Variants in SESN1 observed in about 807,000 individuals in gnomAD.
SESN1 encodes the protein sestrin-1.
A neutral mutation model predicts 59.3 loss-of-function variants in SESN1; 30 were observed. The ratio of observed to expected loss-of-function variants is 0.51; its 90% CI spans 0.38 to 0.69. SESN1 has a LOEUF of 0.69. Among genes scored for constraint, SESN1 ranks in the 30% least tolerant of loss-of-function variants. The pLI, the probability that SESN1 is intolerant of heterozygous loss-of-function variation, is 0.00. For missense variants in SESN1, 566 were observed against 673.0 expected (o/e 0.84, Z 1.76); for synonymous variants, 197 against 219.9 (o/e 0.90, Z 0.92).
chr6:109,001,503 A>G lies in SESN1; in HGVS notation c.346-15T>C. ...ACTTGGAGGATCTGTATAAATGAGA[A>G]AAACCATGGTTACTGAAATGGTAAA... On this transcript the variant is annotated splice_polypyrimidine_tract_variant and intron_variant, in intron 2 of 9. Coordinates refer to ENST00000436639, the MANE Select transcript of SESN1 (RefSeq NM_014454.3). 1 of 1,554,218 alleles carries G rather than the reference A, an allele frequency of 6.4e-7. No homozygotes were observed. The highest frequency in any genetic ancestry group is 8.9e-7 in the Non-Finnish European group (1 of 1,129,210).
chr6:108,987,598 C>G lies in SESN1; in HGVS notation c.1602G>C (p.Arg534Ser), dbSNP rs1779233219. ...GAGCATAAAGGAGTTCTGCTTGCAT[C>G]CTAGCTTCTATAAGAAGCAGATTAA... Reference protein sequence around the residue: ...VHVNLLLIEARMQAELLYALR... With the variant: ...VHVNLLLIEASMQAELLYALR... Residue 534 changes from arginine (R) to serine (S), a missense_variant, in exon 10 of 10, where the codon AGG becomes AGC. Transcript: ENST00000436639. 6.2e-7 allele frequency: 1 copy of G among 1,603,554 alleles called. No homozygotes were observed. Among genetic ancestry groups the G allele is most frequent in the Non-Finnish European group, 8.5e-7 (1 of 1,171,406 alleles).
chr6:109,055,216 C>G (rs778843765), intron 1 of SESN1, among the ~76,000 whole-genome samples: 1 of 152,128 alleles, frequency 6.6e-6, no homozygotes, highest in African/African-American at 2.4e-5. Context: ...GTCCTTATCT[C>G]CGTTCAATTT....
chr6:109,028,856 A>AT (rs1413552192), intron 1 of SESN1, among the ~76,000 whole-genome samples: 3 of 152,180 alleles, frequency 2.0e-5, no homozygotes, highest in African/African-American at 7.2e-5. Flanking sequence ...AAACTTTCCA[A>AT]TAAATCTGCA....
chr6:109,005,843 C>T (rs942650640), intron 1 of SESN1, among the ~76,000 whole-genome samples: 12 of 152,116 alleles, frequency 7.9e-5, no homozygotes, highest in African/African-American at 1.9e-4. Context: ...ATTATACAAA[C>T]GTGAGTCTTT....
intron 1 of SESN1, among the ~76,000 whole-genome samples, chr6:109,024,870 C>T (rs1482017149): frequency 1.3e-5 from 2 of 152,192 alleles, no homozygotes; most frequent in Admixed American, 1.3e-4. Flanking sequence ...TAAAGTCAAA[C>T]AATTGTTAAG....
intron 1 of SESN1, among the ~76,000 whole-genome samples, chr6:109,024,846 C>T (rs1780065159): frequency 6.6e-6 from 1 of 152,218 alleles, no homozygotes; most frequent in Non-Finnish European, 1.5e-5. Context: ...ATGTGTGTTG[C>T]TTACACACCT....
chr6:109,002,433 A>G, intron 1 of SESN1, 90 bp from the exon 2 acceptor site: 2 of 971,466 alleles, frequency 2.1e-6, no homozygotes, highest in Non-Finnish European at 3.3e-6. Context: ...CAACCAGTCG[A>G]ACAGAGACAG....
At chr6:108,988,735 G>C in intron 8 of SESN1, 48 bp from the exon 9 acceptor site, 1 of 1,457,150 alleles carries the variant, frequency 6.9e-7, no homozygotes, top group Non-Finnish European at 9.3e-7. Context: ...TGTATAACCT[G>C]TTTTCATCTT....
rs373879450 is a variant in SESN1, at chr6:109,054,087, G to C, written c.279+39708C>G. 5.2e-4 allele frequency among the ~76,000 whole-genome samples: 79 copies of C among 151,856 alleles called. 1 individual carries two copies. The highest frequency in any genetic ancestry group is 7.8e-4 in the East Asian group (4 of 5,160). On this transcript the variant is annotated intron_variant, in intron 1 of 9. Coordinates refer to ENST00000436639, the MANE Select transcript of SESN1 (RefSeq NM_014454.3). ...TTTTCGTTTTTTCTTAATTTTTTGG[G>C]GGGGGAGGGATCTGGGAAAAATTCC...
chr6:109,029,720 CAG>C (rs1780151889), intron 1 of SESN1, among the ~76,000 whole-genome samples: 1 of 152,032 alleles, frequency 6.6e-6, no homozygotes, highest in African/African-American at 2.4e-5. Flanking sequence ...TTTGTAGAGA[CAG>C]AGTCTTGCCA....
chr6:109,084,580 AAAAC>A (rs1285896603), intron 1 of SESN1, among the ~76,000 whole-genome samples: 8 of 152,286 alleles, frequency 5.3e-5, no homozygotes, highest in Middle Eastern at 3.4e-3. Context: ...AAAAGAAAAC[AAAAC>A]AAACAAACAA....
At chr6:109,066,413 G>A (rs1427941420) in intron 1 of SESN1, among the ~76,000 whole-genome samples, 1 of 151,764 alleles carries the variant, frequency 6.6e-6, no homozygotes, top group Non-Finnish European at 1.5e-5. Flanking sequence ...CAGTGAATTA[G>A]GGTAAGGAAG....
intron 1 of SESN1, among the ~76,000 whole-genome samples, chr6:109,068,388 T>G (rs1185152185): frequency 6.6e-6 from 1 of 152,044 alleles, no homozygotes; most frequent in Non-Finnish European, 1.5e-5. Context: ...TTATTGAAAG[T>G]TAAAAACATG....
rs954540060 is a variant in SESN1 at position 108,998,630 on chromosome 6, A to G, written c.855T>C (p.His285=). The change falls in exon 5 of 10, where the codon CAT becomes CAC. Residue 285 remains histidine, a synonymous_variant. Coordinates refer to ENST00000436639, the MANE Select transcript of SESN1 (RefSeq NM_014454.3). Reference sequence around the variant, plus strand: ...GTCTGAATGTGTGGCCACCATCACAATGAATTTCTGGACTGATTCCACAGC... The same window carrying G: ...GTCTGAATGTGTGGCCACCATCACAGTGAATTTCTGGACTGATTCCACAGC... ...TFGCGISPEI[H]CDGGHTFRPP... 1.3e-5 allele frequency: 21 copies of G among 1,613,864 alleles called. No homozygotes were observed. The Admixed American group carries it at 1.7e-4, about 13-fold the overall frequency.
In SESN1 at chr6:109,073,275, C is replaced by T. The variant is rs75015569; in HGVS notation, c.279+20520G>A. 7.1e-3 allele frequency among the ~76,000 whole-genome samples: 1,081 copies of T among 152,156 alleles called. 21 individuals carry two copies. The highest frequency in any genetic ancestry group is 0.025 in the African/African-American group (1,038 of 41,508). ...GGGTAGTGATTTTTATCTATTTTTC[C>T]CTTTAGTGCATATGAGTACCTAGAA... On this transcript the variant is annotated intron_variant, in intron 1 of 9. Coordinates refer to ENST00000436639, the MANE Select transcript of SESN1 (RefSeq NM_014454.3).
intron 1 of SESN1, among the ~76,000 whole-genome samples, chr6:109,069,817 T>C (rs1780900451): frequency 6.6e-6 from 1 of 152,122 alleles, no homozygotes; most frequent in South Asian, 2.1e-4. Context: ...CTCAGCCTTC[T>C]AAAGTGCTGG....
At chr6:109,072,571 TTGA>T in intron 1 of SESN1, among the ~76,000 whole-genome samples, 1 of 152,336 alleles carries the variant, frequency 6.6e-6, no homozygotes. Flanking sequence ...TAGTATATTG[TTGA>T]TTTTACTTTT....
At chr6:109,072,597 AAC>A (rs1335140837) in intron 1 of SESN1, among the ~76,000 whole-genome samples, 1 of 152,214 alleles carries the variant, frequency 6.6e-6, no homozygotes, top group Non-Finnish European at 1.5e-5. Context: ...TAATAAACAA[AAC>A]ACAGTACTAC....
At chr6:109,038,691 T>G (rs1260637660) in intron 1 of SESN1, among the ~76,000 whole-genome samples, 1 of 152,190 alleles carries the variant, frequency 6.6e-6, no homozygotes, top group Non-Finnish European at 1.5e-5. Flanking sequence ...CAATTTATAT[T>G]TAAAATATTT....
Sources: gnomAD v4.1 joint callset for allele counts (sites outside exome capture counted in the v4.1 genomes callset) on GRCh38, gnomAD v4.1.1 for gene constraint, MANE v1.5 for transcripts, NCBI Gene and HGNC (gene_info 2026-07-23, HGNC 2026-07-21) for gene names.